SPRED2: variants seen among roughly 807,000 people sequenced by gnomAD.
SPRED2 encodes the protein sprouty-related, EVH1 domain-containing protein 2.
A neutral mutation model predicts 43.0 loss-of-function variants in SPRED2; 47 were observed. That is an observed-to-expected ratio of 1.09 (90% CI 0.87 to 1.40). The LOEUF is 1.40. Among genes scored for constraint, SPRED2 ranks in the 40% most tolerant of loss-of-function variants. The pLI is 0.00. For missense variants in SPRED2, 561 were observed against 586.4 expected (o/e 0.96, Z 0.45); for synonymous variants, 225 against 225.7 (o/e 1.00, Z 0.03).
downstream of SPRED2, among the ~76,000 whole-genome samples, chr2:65,309,790 G>A (rs1179963311): frequency 6.6e-6 from 1 of 152,174 alleles, no homozygotes; most frequent in African/African-American, 2.4e-5. Flanking sequence ...AACTATACCT[G>A]AGGCAGCCTG....
chr2:65,319,813 G>C (rs1425701547), intron 4 of SPRED2, among the ~76,000 whole-genome samples: 1 of 152,148 alleles, frequency 6.6e-6, no homozygotes, highest in Non-Finnish European at 1.5e-5. Flanking sequence ...CTGGCACTAA[G>C]GGACTCTGAG....
At chr2:65,424,873 A>C (rs1179343396) in intron 1 of SPRED2, among the ~76,000 whole-genome samples, 1 of 152,088 alleles carries the variant, frequency 6.6e-6, no homozygotes, top group African/African-American at 2.4e-5. Flanking sequence ...GATCACTTGG[A>C]ATACTCCAGC....
At chr2:65,308,396 A>G (rs905066190), downstream of SPRED2, 7 of 985,376 alleles carry the variant, frequency 7.1e-6, no homozygotes, top group Non-Finnish European at 8.4e-6. Context: ...AGCTGTGAAC[A>G]TACCTGGAGG....
chr2:65,362,799 A>C (rs530586012), intron 1 of SPRED2, among the ~76,000 whole-genome samples: 1 of 151,258 alleles, frequency 6.6e-6, no homozygotes, highest in South Asian at 2.1e-4. Flanking sequence ...TGAAGGTTGC[A>C]GTGAGCCAAG....
chr2:65,308,469 A>T (rs1672986061), downstream of SPRED2: 6 of 985,364 alleles, frequency 6.1e-6, no homozygotes, highest in Admixed American at 6.1e-5. Flanking sequence ...AAATCTCAAC[A>T]CACAGGATGT....
intron 1 of SPRED2, among the ~76,000 whole-genome samples, chr2:65,424,664 C>A (rs1676515999): frequency 6.6e-6 from 1 of 152,092 alleles, no homozygotes; most frequent in African/African-American, 2.4e-5. Context: ...TAAAGCTATT[C>A]CCATGCCAGG....
At chr2:65,338,734 G>A (rs1674063212) in intron 2 of SPRED2, among the ~76,000 whole-genome samples, 1 of 151,954 alleles carries the variant, frequency 6.6e-6, no homozygotes, top group Admixed American at 6.5e-5. Flanking sequence ...TCTGGGAAGT[G>A]AGGAGCGTCT....
At chr2:65,409,204 T>C (rs934889505) in intron 1 of SPRED2, among the ~76,000 whole-genome samples, 2 of 152,208 alleles carry the variant, frequency 1.3e-5, no homozygotes, top group African/African-American at 4.8e-5. Context: ...AGGTCTGTCC[T>C]AGTCTAAGAG....
rs74542408 is a variant in SPRED2 at position 65,407,371 on chromosome 2, T to C, written c.26+24591A>G. Among the ~76,000 whole-genome samples the C allele has an allele frequency of 4.0e-3, 598 of 150,316 alleles. 1 individual carries two copies. The highest frequency in any genetic ancestry group is 0.014 in the African/African-American group (560 of 40,802). On this transcript the variant is annotated intron_variant, in intron 1 of 5. Transcript: ENST00000356388. ...AAACTGAGGTGGCTGCAGGTGTGTG[T>C]GTGTGCGTGTGTTGTGTATTGGGGG...
intron 1 of SPRED2, among the ~76,000 whole-genome samples, chr2:65,366,134 A>G (rs1553422448): frequency 6.6e-6 from 1 of 152,216 alleles, no homozygotes; most frequent in East Asian, 1.9e-4. Flanking sequence ...AAAAAAGCAC[A>G]GTACTGAAAG....
chr2:65,318,351 C>T (rs979821032), intron 4 of SPRED2, among the ~76,000 whole-genome samples: 3 of 151,986 alleles, frequency 2.0e-5, no homozygotes, highest in African/African-American at 7.3e-5. Context: ...TGAGACACAA[C>T]GGAGCAGGCC....
intron 1 of SPRED2, among the ~76,000 whole-genome samples, chr2:65,365,470 T>C (rs977639264): frequency 2.6e-5 from 4 of 152,240 alleles, no homozygotes; most frequent in African/African-American, 9.6e-5. Flanking sequence ...GTCATTATTA[T>C]GGATTTTATA....
chr2:65,373,161 T>C (rs1675169147), intron 1 of SPRED2, among the ~76,000 whole-genome samples: 1 of 152,214 alleles, frequency 6.6e-6, no homozygotes, highest in Admixed American at 6.5e-5. Context: ...GGCAGTAGCT[T>C]TGGCCTAGCT....
chr2:65,381,434 C>T (rs2103647706), intron 1 of SPRED2, among the ~76,000 whole-genome samples: 1 of 152,326 alleles, frequency 6.6e-6, no homozygotes, highest in East Asian at 1.9e-4. Flanking sequence ...GCTTGGTCAA[C>T]TTATTTCATC....
At chr2:65,412,911 T>C (rs1340433870) in intron 1 of SPRED2, among the ~76,000 whole-genome samples, 1 of 152,214 alleles carries the variant, frequency 6.6e-6, no homozygotes, top group Non-Finnish European at 1.5e-5. Flanking sequence ...TGTGTCTCAT[T>C]GCATTGACTT....
intron 4 of SPRED2, among the ~76,000 whole-genome samples, chr2:65,331,529 C>T (rs1673811348): frequency 6.6e-6 from 1 of 152,168 alleles, no homozygotes; most frequent in Non-Finnish European, 1.5e-5. Flanking sequence ...TTTAATTACT[C>T]ATCAGGAAAG....
At chr2:65,388,577 G>T (rs1272286376) in intron 1 of SPRED2, among the ~76,000 whole-genome samples, 1 of 152,170 alleles carries the variant, frequency 6.6e-6, no homozygotes, top group East Asian at 1.9e-4. Flanking sequence ...CTACTGCAGG[G>T]TTTACCATGT....
chr2:65,413,522 A>G (rs1261852462), intron 1 of SPRED2, among the ~76,000 whole-genome samples: 3 of 152,238 alleles, frequency 2.0e-5, no homozygotes, highest in African/African-American at 7.2e-5. Flanking sequence ...AGGGCGGTCA[A>G]AACAACAGAG....
intron 4 of SPRED2, among the ~76,000 whole-genome samples, chr2:65,319,400 G>C (rs987306383): frequency 6.6e-6 from 1 of 152,196 alleles, no homozygotes; most frequent in African/African-American, 2.4e-5. Context: ...ATCCTGGCAC[G>C]GGTGTGGGGA....
Sources: gnomAD v4.1 joint callset for allele counts (sites outside exome capture counted in the v4.1 genomes callset) on GRCh38, gnomAD v4.1.1 for gene constraint, MANE v1.5 for transcripts, NCBI Gene and HGNC (gene_info 2026-07-23, HGNC 2026-07-21) for gene names.